Variants in CARMIL1 observed in about 807,000 individuals in gnomAD.
The protein encoded by CARMIL1 is F-actin-uncapping protein LRRC16A.
A neutral mutation model predicts 177.1 loss-of-function variants in CARMIL1; 90 were observed. That is an observed-to-expected ratio of 0.51 (90% confidence interval 0.43 to 0.61). The LOEUF is 0.61. CARMIL1 is among the 20% of genes least tolerant of loss of function. The pLI is 0.00. For synonymous variants in CARMIL1, 577 were observed against 606.2 expected (o/e 0.95, Z 0.71); for missense variants, 1,380 against 1,667.0 (o/e 0.83, Z 3.00).
Position 25,419,174 on chromosome 6 carries a change from A to C in CARMIL1, c.139-940A>C, listed in dbSNP as rs144587584. On this transcript the variant is annotated intron_variant, in intron 2 of 36. Coordinates refer to ENST00000329474, the MANE Select transcript of CARMIL1 (RefSeq NM_017640.6). ...GAGGTCCCAGTGTTCTTAACTTTCT[A>C]CAGTTTTGTTCTAATCCAGCATTCT... Among the ~76,000 whole-genome samples the C allele has an allele frequency of 4.2e-4, 64 of 152,298 alleles. 1 individual carries two copies. The East Asian group carries it at 7.3e-3, about 17-fold the overall frequency.
intron 30 of CARMIL1, 47 bp downstream of exon 30, chr6:25,581,037 C>T: frequency 6.5e-7 from 1 of 1,549,004 alleles, no homozygotes; most frequent in Non-Finnish European, 8.8e-7. Context: ...CTGTGAAGCA[C>T]CCTCAGCAAG....
At chr6:25,594,676 T>G in intron 32 of CARMIL1, 149 bp downstream of exon 32, 1 of 572,030 alleles carries the variant, frequency 1.7e-6, no homozygotes, top group Non-Finnish European at 3.1e-6. Flanking sequence ...GGGCCGGCAA[T>G]ACCAGTGTCA....
chr6:25,486,374 A>T (rs918793853), intron 12 of CARMIL1, among the ~76,000 whole-genome samples: 3 of 152,184 alleles, frequency 2.0e-5, no homozygotes, highest in African/African-American at 7.2e-5. Flanking sequence ...GATGTTGGAC[A>T]ACTGCCAAGC....
intron 5 of CARMIL1, among the ~76,000 whole-genome samples, chr6:25,445,784 C>A (rs11964353): frequency 0.026 from 3,992 of 152,202 alleles, 140 homozygotes; most frequent in African/African-American, 0.078. Flanking sequence ...GTGATCCACA[C>A]GCCTCGGCTG....
chr6:25,283,574 A>G (rs1368366586), intron 1 of CARMIL1, among the ~76,000 whole-genome samples: 2 of 152,244 alleles, frequency 1.3e-5, no homozygotes, highest in East Asian at 3.9e-4. Context: ...CTTTTCCACC[A>G]CCATCTGAAA....
intron 20 of CARMIL1, among the ~76,000 whole-genome samples, chr6:25,514,378 C>G (rs964401421): frequency 1.3e-5 from 2 of 151,898 alleles, no homozygotes; most frequent in Non-Finnish European, 2.9e-5. Flanking sequence ...GAAACCCTGT[C>G]TCTACTAAAA....
rs1397907848 is a variant in CARMIL1 at position 25,619,911 on chromosome 6, A to C, written c.*328A>C. On this transcript the variant is annotated 3_prime_UTR_variant, in exon 37 of 37. Coordinates refer to ENST00000329474, the MANE Select transcript of CARMIL1 (RefSeq NM_017640.6). ...GGCCCTACTTGAATTTATCTGAGGC[A>C]GCTACAGATTGCCCTGCAAGATGAG... 5.9e-6 allele frequency: 1 copy of C among 170,854 alleles called. No individual in the cohort carries two copies. Among genetic ancestry groups the C allele is most frequent in the Non-Finnish European group, 1.2e-5 (1 of 80,826 alleles). The allele number at this position is 170,854 out of a possible 1,614,324, so 10.6% of individuals were successfully genotyped here.
At chr6:25,544,606 TACACACACAC>T (rs3034120) in intron 26 of CARMIL1, among the ~76,000 whole-genome samples, 100 of 142,510 alleles carry the variant, frequency 7.0e-4, no homozygotes, top group Admixed American at 2.3e-3. Flanking sequence ...GTTACTAGAC[TACACACACAC>T]ACACACACAC....
At chr6:25,484,120 G>A (rs1467498103) in intron 12 of CARMIL1, among the ~76,000 whole-genome samples, 1 of 152,134 alleles carries the variant, frequency 6.6e-6, no homozygotes, top group East Asian at 1.9e-4. Flanking sequence ...CACCCTGTAT[G>A]ACTAGATGCT....
At chr6:25,365,692 A>G (rs1363427670) in intron 2 of CARMIL1, among the ~76,000 whole-genome samples, 1 of 152,108 alleles carries the variant, frequency 6.6e-6, no homozygotes, top group Non-Finnish European at 1.5e-5. Flanking sequence ...AGCTGGGACT[A>G]TAGGCATGTG....
chr6:25,447,612 C>T lies in CARMIL1; in HGVS notation c.372-2286C>T, dbSNP rs187894325. ...ACTGGGTGACTGACACCCTGACACC[C>T]TTCCTCACAGCTCATGACCTCTTCA... On this transcript the variant is annotated intron_variant, in intron 5 of 36. Transcript: ENST00000329474. 1.1e-4 allele frequency among the ~76,000 whole-genome samples: 16 copies of T among 152,206 alleles called. No homozygotes were observed. The East Asian group carries it at 2.3e-3, about 22-fold the overall frequency.
intron 2 of CARMIL1, among the ~76,000 whole-genome samples, chr6:25,297,623 G>A (rs1197318107): frequency 1.3e-5 from 2 of 152,172 alleles, no homozygotes; most frequent in Non-Finnish European, 2.9e-5. Context: ...AAGGCTATTA[G>A]CACCTTGTCA....
intron 2 of CARMIL1, among the ~76,000 whole-genome samples, chr6:25,318,809 C>T (rs767080590): frequency 2.6e-5 from 4 of 152,138 alleles, no homozygotes; most frequent in Admixed American, 6.5e-5. Context: ...TGGATGTCGG[C>T]CCAGCCCCAT....
At position 25,529,679 on chromosome 6, in the gene CARMIL1, C is replaced by T. The variant is rs571303866; in HGVS notation, c.2067+786C>T. Among the ~76,000 whole-genome samples, 4 of 45,616 alleles carry T rather than the reference C, an allele frequency of 8.8e-5. 1 individual carries two copies. The highest frequency in any genetic ancestry group is 7.6e-4 in the South Asian group (1 of 1,314). 29.9% of individuals were successfully genotyped at this position (45,616 alleles called of 152,430 possible). ...GCTAGAATGGCGTGAACCCGGGAAG[C>T]GGAGCTTGCCGTGAGCCGAGATTGC... On this transcript the variant is annotated intron_variant, in intron 24 of 36. Transcript: ENST00000329474.
At chr6:25,321,745 G>A (rs757026108) in intron 2 of CARMIL1, among the ~76,000 whole-genome samples, 16 of 151,628 alleles carry the variant, frequency 1.1e-4, no homozygotes, top group African/African-American at 3.4e-4. Flanking sequence ...TGCAACCTCC[G>A]CCTCCTGGGT....
At chr6:25,530,871 C>T (rs1348343761) in intron 24 of CARMIL1, among the ~76,000 whole-genome samples, 2 of 152,142 alleles carry the variant, frequency 1.3e-5, no homozygotes, top group Non-Finnish European at 2.9e-5. Context: ...GTGTCTTTCT[C>T]TGGGGCAGCC....
chr6:25,534,613 A>G (rs147066423), intron 24 of CARMIL1, among the ~76,000 whole-genome samples: 1 of 152,326 alleles, frequency 6.6e-6, no homozygotes, highest in East Asian at 1.9e-4. Flanking sequence ...TTATCATTGA[A>G]TAAACAGTTG....
chr6:25,611,979 C>G (rs1816542634), intron 36 of CARMIL1, among the ~76,000 whole-genome samples: 1 of 152,204 alleles, frequency 6.6e-6, no homozygotes, highest in African/African-American at 2.4e-5. Context: ...ATGTTTGATT[C>G]CCTTCCTCAT....
chr6:25,523,122 G>A (rs1041079091), intron 23 of CARMIL1, among the ~76,000 whole-genome samples: 4 of 152,138 alleles, frequency 2.6e-5, no homozygotes, highest in African/African-American at 9.7e-5. Context: ...TTAGGCATAT[G>A]TTGAATAGAA....
Sources: allele counts gnomAD v4.1 joint callset (sites outside exome capture counted in the v4.1 genomes callset), GRCh38; gene constraint gnomAD v4.1.1; transcripts MANE v1.5; gene names NCBI Gene and HGNC (gene_info 2026-07-23, HGNC 2026-07-21).